The following GOLPH3 variants were observed in gnomAD, a reference collection of about 807,000 sequenced individuals.
GOLPH3 encodes coat protein GPP34.
Under a neutral mutation model 28.5 loss-of-function variants are expected in GOLPH3, and 14 were observed. The observed-to-expected ratio is 0.49, with a 90% CI of 0.32 to 0.77. The LOEUF (loss-of-function observed/expected upper bound fraction) is 0.77. Ranked by LOEUF, GOLPH3 falls within the 30% of genes least tolerant of loss-of-function variation. The pLI is 0.03. For synonymous variants in GOLPH3, 158 were observed against 159.2 expected, an observed-to-expected ratio of 0.99 and a Z score of 0.06; for missense variants, 350 against 393.7, an observed-to-expected ratio of 0.89 and a Z score of 0.94.
intron 3 of GOLPH3, among the ~76,000 whole-genome samples, chr5:32,131,298 T>C (rs1581536913): frequency 1.3e-5 from 2 of 152,338 alleles, no homozygotes; most frequent in South Asian, 2.1e-4. Flanking sequence ...GGTCAAAGTA[T>C]CTTGGTATTC....
intron 1 of GOLPH3, among the ~76,000 whole-genome samples, chr5:32,157,008 T>G (rs999184930): frequency 2.0e-5 from 3 of 152,220 alleles, no homozygotes; most frequent in Non-Finnish European, 4.4e-5. Context: ...AAGTTACTGG[T>G]AGTAATCAAG....
At chr5:32,171,614 T>G (rs1265965574) in intron 1 of GOLPH3, among the ~76,000 whole-genome samples, 1 of 152,132 alleles carries the variant, frequency 6.6e-6, no homozygotes, top group Non-Finnish European at 1.5e-5. Flanking sequence ...TTTTTGTATT[T>G]TCTAAAATGT....
chr5:32,138,599 G>A (rs1264012332), intron 2 of GOLPH3, among the ~76,000 whole-genome samples: 2 of 152,010 alleles, frequency 1.3e-5, no homozygotes, highest in Non-Finnish European at 2.9e-5. Flanking sequence ...TTAATATTTT[G>A]ATTTAACCAA....
intron 3 of GOLPH3, among the ~76,000 whole-genome samples, chr5:32,127,758 T>C (rs888177163): frequency 4.3e-4 from 65 of 152,188 alleles, no homozygotes; most frequent in African/African-American, 1.5e-3. Context: ...CTAAACAACA[T>C]AGGCCTATGA....
chr5:32,165,562 AAC>A (rs1469579808), intron 1 of GOLPH3, among the ~76,000 whole-genome samples: 2 of 152,142 alleles, frequency 1.3e-5, no homozygotes, highest in South Asian at 2.1e-4. Flanking sequence ...CAGCCTGGGT[AAC>A]AGAGCAAGAC....
At chr5:32,165,691 G>C (rs1335916422) in intron 1 of GOLPH3, among the ~76,000 whole-genome samples, 1 of 152,218 alleles carries the variant, frequency 6.6e-6, no homozygotes, top group Non-Finnish European at 1.5e-5. Context: ...AGACAGACAT[G>C]TTCTTCAGTG....
chr5:32,161,997 A>C (rs1581555775), intron 1 of GOLPH3, among the ~76,000 whole-genome samples: 1 of 150,124 alleles, frequency 6.7e-6, no homozygotes, highest in East Asian at 1.9e-4. Context: ...ACTGCACTCC[A>C]GCCTGGGCGA....
chr5:32,158,140 C>T lies in GOLPH3; in HGVS notation c.226-14260G>A, dbSNP rs200018601. On this transcript the variant is annotated intron_variant, in intron 1 of 3. Transcript: ENST00000265070. Reference sequence around the variant, plus strand: ...TAAATAAATAAATAAAATACACACACACACACACACACACACACACACACA... The same window carrying T: ...TAAATAAATAAATAAAATACACACATACACACACACACACACACACACACA... Among the ~76,000 whole-genome samples, 67 of 109,652 alleles carry T rather than the reference C, an allele frequency of 6.1e-4. 1 individual carries two copies. Among genetic ancestry groups the T allele is most frequent in the African/African-American group, 1.9e-3 (56 of 28,750 alleles). The allele number at this position is 109,652 out of a possible 152,430, so 71.9% of individuals were successfully genotyped here. A position where few individuals can be genotyped will look rare whatever the true frequency, so the allele number is the denominator to read the frequency against.
intron 2 of GOLPH3, among the ~76,000 whole-genome samples, chr5:32,137,054 G>A (rs145674781): frequency 5.9e-5 from 9 of 151,924 alleles, no homozygotes; most frequent in African/African-American, 1.4e-4. Flanking sequence ...TGCCCTCCCC[G>A]GTACAAGCAA....
At chr5:32,172,590 G>A (rs1746864390) in intron 1 of GOLPH3, among the ~76,000 whole-genome samples, 1 of 152,146 alleles carries the variant, frequency 6.6e-6, no homozygotes, top group South Asian at 2.1e-4. Flanking sequence ...GGCTACTCGG[G>A]AGGCTGAGGC....
chr5:32,154,895 C>T (rs562621296), intron 1 of GOLPH3, among the ~76,000 whole-genome samples: 9 of 152,182 alleles, frequency 5.9e-5, no homozygotes, highest in Middle Eastern at 3.4e-3. Flanking sequence ...CCAGCCTGGC[C>T]AACAGGGTGA....
chr5:32,144,394 C>T (rs1746145992), intron 1 of GOLPH3, among the ~76,000 whole-genome samples: 1 of 152,140 alleles, frequency 6.6e-6, no homozygotes, highest in Admixed American at 6.5e-5. Context: ...AGTTTGAGAC[C>T]AGACTGGACA....
chr5:32,129,347 C>G (rs552987084), intron 3 of GOLPH3, among the ~76,000 whole-genome samples: 1 of 152,248 alleles, frequency 6.6e-6, no homozygotes, highest in Admixed American at 6.5e-5. Context: ...GTTCTTAGAA[C>G]GAAGCCTAAC....
intron 1 of GOLPH3, among the ~76,000 whole-genome samples, chr5:32,157,272 C>T (rs1746451553): frequency 6.6e-6 from 1 of 152,118 alleles, no homozygotes; most frequent in Non-Finnish European, 1.5e-5. Flanking sequence ...GATTCCAATC[C>T]TCAGCCTTCC....
chr5:32,165,729 C>T (rs1009333505), intron 1 of GOLPH3, among the ~76,000 whole-genome samples: 1 of 152,192 alleles, frequency 6.6e-6, no homozygotes, highest in Non-Finnish European at 1.5e-5. Context: ...GGGCCTCTCA[C>T]AGAGCATGTG....
intron 1 of GOLPH3, among the ~76,000 whole-genome samples, chr5:32,147,416 G>C (rs1746202561): frequency 6.6e-6 from 1 of 151,544 alleles, no homozygotes; most frequent in Admixed American, 6.6e-5. Flanking sequence ...CCTGGTGACA[G>C]AGCAAGACTT....
intron 1 of GOLPH3, among the ~76,000 whole-genome samples, chr5:32,156,556 C>CA (rs1289668352): frequency 6.6e-6 from 1 of 152,086 alleles, no homozygotes; most frequent in Non-Finnish European, 1.5e-5. Flanking sequence ...GTGGTAGTCC[C>CA]AACCTTTTTG....
chr5:32,144,520 T>A (rs1048761894), intron 1 of GOLPH3, among the ~76,000 whole-genome samples: 8 of 152,168 alleles, frequency 5.3e-5, no homozygotes, highest in Non-Finnish European at 1.0e-4. Flanking sequence ...GTCCAAGAGT[T>A]CAAGGCTACA....
At chr5:32,172,361 T>TC (rs1413987079) in intron 1 of GOLPH3, among the ~76,000 whole-genome samples, 1 of 135,884 alleles carries the variant, frequency 7.4e-6, no homozygotes, top group Non-Finnish European at 1.6e-5. Flanking sequence ...TTTGTAAGAC[T>TC]TTTTTTTTTT....
Sources: allele counts gnomAD v4.1 joint callset (sites outside exome capture counted in the v4.1 genomes callset), GRCh38; gene constraint gnomAD v4.1.1; transcripts MANE v1.5; gene names NCBI Gene and HGNC (gene_info 2026-07-23, HGNC 2026-07-21).